COL6A6: variants seen among roughly 807,000 people sequenced by gnomAD.
The protein encoded by COL6A6 is collagen alpha-6(VI) chain.
In COL6A6, 183 loss-of-function variants were observed where a neutral mutation model predicts 208.6. That is an observed-to-expected ratio of 0.88 (90% CI 0.78 to 0.99). The LOEUF is 0.99. Among genes scored for constraint, COL6A6 ranks in the 50% least tolerant of loss-of-function variants. The probability of loss-of-function intolerance (pLI) is 0.00; values close to 1 mark genes in which losing one functional copy is unlikely to be tolerated. For missense variants in COL6A6, 2,816 were observed against 2,815.2 expected (o/e 1.00, Z -0.01); for synonymous variants, 973 against 1,011.8 (o/e 0.96, Z 0.73).
chr3:130,668,199 G>A (rs1338381227), intron 36 of COL6A6, among the ~76,000 whole-genome samples: 2 of 151,902 alleles, frequency 1.3e-5, no homozygotes, highest in Admixed American at 6.6e-5. Context: ...AGCTTCAGCT[G>A]GGCGCGGTGG....
At chr3:130,615,094 A>T (rs1217811533) in intron 23 of COL6A6, among the ~76,000 whole-genome samples, 1 of 151,892 alleles carries the variant, frequency 6.6e-6, no homozygotes, top group African/African-American at 2.4e-5. Flanking sequence ...CTTCCCTCTT[A>T]ACACTGCCTT....
rs557086456 is a variant in COL6A6, at chr3:130,637,572, A to G, written c.5091+1811A>G. On this transcript the variant is annotated intron_variant, in intron 28 of 36. Coordinates refer to ENST00000358511, the MANE Select transcript of COL6A6 (RefSeq NM_001102608.3). ...ATTAGTGTTTTTGGATTTGAAGTTG[A>G]AGTTTAGACATTGAAAATATCCAGG... 2.0e-5 allele frequency among the ~76,000 whole-genome samples: 3 copies of G among 152,238 alleles called. No individual in the cohort carries two copies. The South Asian group carries it at 6.2e-4, about 32-fold the overall frequency.
At chr3:130,665,461 C>A (rs1393075855) in intron 36 of COL6A6, among the ~76,000 whole-genome samples, 2 of 151,926 alleles carry the variant, frequency 1.3e-5, no homozygotes, top group African/African-American at 4.8e-5. Flanking sequence ...AGGGAAGGTA[C>A]AATATTAGCC....
rs550204878 is a variant in COL6A6, at chr3:130,645,848, C to T, written c.5239+846C>T. Among the ~76,000 whole-genome samples the T allele has an allele frequency of 3.9e-5, 6 of 152,322 alleles. No individual in the cohort carries two copies. The South Asian group carries it at 1.2e-3, about 32-fold the overall frequency. On this transcript the variant is annotated intron_variant, in intron 32 of 36. Coordinates refer to ENST00000358511, the MANE Select transcript of COL6A6 (RefSeq NM_001102608.3). ...GATGTTTTTCTGTAAACTTATCACC[C>T]TCTTATACATTTATACACTTTTACC...
Position 130,665,083 on chromosome 3 carries a change from C to A in COL6A6, c.6583C>A (p.Arg2195=). Residue 2195 remains arginine, a synonymous_variant, in exon 36 of 37, where the codon CGA becomes AGA. Coordinates refer to ENST00000358511, the MANE Select transcript of COL6A6 (RefSeq NM_001102608.3). ...CTCTATAGATCCAAAGCAGCCCCCA[C>A]GACCATTCCGAAGGTACTGTCTGTT... The part of the protein sequence containing the change: ...LNSIDPKQPP[R]PFRSFVPGPL... 1 of 1,608,380 alleles carries A rather than the reference C, an allele frequency of 6.2e-7. No individual in the cohort carries two copies. Among genetic ancestry groups the A allele is most frequent in the South Asian group, 1.1e-5 (1 of 89,884 alleles).
chr3:130,654,362 C>A (rs535878576), intron 33 of COL6A6, among the ~76,000 whole-genome samples: 1 of 152,254 alleles, frequency 6.6e-6, no homozygotes, highest in African/African-American at 2.4e-5. Context: ...CCCAGGTAGT[C>A]TGAGCTATGC....
intron 28 of COL6A6, 110 bp from the exon 29 acceptor site, chr3:130,641,542 A>T: frequency 1.9e-6 from 1 of 513,124 alleles, no homozygotes. Context: ...TAAAAGTGAA[A>T]TTTTCACTTT....
intron 1 of COL6A6, among the ~76,000 whole-genome samples, chr3:130,546,928 T>C (rs1228180571): frequency 6.6e-6 from 1 of 152,044 alleles, no homozygotes; most frequent in Non-Finnish European, 1.5e-5. Flanking sequence ...TGCTGATTGG[T>C]GCATCTACAA....
chr3:130,526,209 G>C (rs1370796532), intron 1 of COL6A6, among the ~76,000 whole-genome samples: 1 of 152,094 alleles, frequency 6.6e-6, no homozygotes. Flanking sequence ...CTTCTCTGGG[G>C]AGGTGACATT....
At chr3:130,596,518 A>G (rs6773207) in intron 18 of COL6A6, among the ~76,000 whole-genome samples, 2,367 of 152,320 alleles carry the variant, frequency 0.016, 74 homozygotes, top group African/African-American at 0.054. Flanking sequence ...GTGCATTACT[A>G]TTTCAGGAAA....
chr3:130,543,085 T>G (rs1271427971), intron 1 of COL6A6, among the ~76,000 whole-genome samples: 4 of 151,976 alleles, frequency 2.6e-5, no homozygotes, highest in African/African-American at 9.7e-5. Flanking sequence ...TTTGTATTTT[T>G]AGTAGAGACA....
rs375639767 is a variant in COL6A6 at position 130,661,930 on chromosome 3, C to T, written c.6124C>T (p.Arg2042Cys). Residue 2042 changes from arginine to cysteine, a missense_variant, in exon 35 of 37, where the codon CGC (arginine) becomes TGC (cysteine). Arg to Cys is a radical substitution (Grantham distance 180). Transcript: ENST00000358511. ...EFNLTTYRSK[R>C]LMKRHVHESV... Reference sequence around the variant, plus strand: ...CAATCTTACCACCTACAGAAGTAAGCGCCTCATGAAGAGGCATGTGCACGA... The same window carrying T: ...CAATCTTACCACCTACAGAAGTAAGTGCCTCATGAAGAGGCATGTGCACGA... The T allele has an allele frequency of 1.2e-5, 19 of 1,613,918 alleles. 1 individual carries two copies. In the East Asian group the frequency reaches 1.6e-4, roughly 13 times the overall value.
chr3:130,570,760 G>T, intron 6 of COL6A6, 58 bp from the exon 7 acceptor site: 1 of 1,325,332 alleles, frequency 7.5e-7, no homozygotes, highest in Non-Finnish European at 1.1e-6. Context: ...AGGTTGAGGC[G>T]TCTCCCATGC....
At chr3:130,604,071 C>T (rs1209356149) in intron 20 of COL6A6, among the ~76,000 whole-genome samples, 5 of 152,148 alleles carry the variant, frequency 3.3e-5, no homozygotes, top group Non-Finnish European at 1.5e-5. Context: ...TTTGGAATTT[C>T]ATCTTTCTCA....
At chr3:130,518,261 G>C (rs558760958) in intron 1 of COL6A6, among the ~76,000 whole-genome samples, 1 of 152,146 alleles carries the variant, frequency 6.6e-6, no homozygotes, top group Admixed American at 6.5e-5. Context: ...AACACTTGTG[G>C]CAGGAAGGAT....
chr3:130,603,277 C>A (rs1039961257), intron 20 of COL6A6, among the ~76,000 whole-genome samples: 1 of 152,162 alleles, frequency 6.6e-6, no homozygotes, highest in Non-Finnish European at 1.5e-5. Flanking sequence ...GCTAGGCCTC[C>A]GCCCATTAGC....
At chr3:130,602,284 C>T (rs1033144798) in intron 20 of COL6A6, among the ~76,000 whole-genome samples, 1 of 152,214 alleles carries the variant, frequency 6.6e-6, no homozygotes, top group Non-Finnish European at 1.5e-5. Context: ...GGCAACATAT[C>T]TGTGTCAAAG....
chr3:130,642,204 G>A (rs553955711), intron 29 of COL6A6, among the ~76,000 whole-genome samples: 1 of 150,774 alleles, frequency 6.6e-6, no homozygotes, highest in Admixed American at 6.6e-5. Flanking sequence ...ATTAAAACCA[G>A]TTCCATTTGT....
chr3:130,590,124 A>T, intron 12 of COL6A6: 1 of 370,916 alleles, frequency 2.7e-6, no homozygotes, highest in Admixed American at 3.0e-5. Context: ...AGTGGCAAAT[A>T]TAGCTGTGTT....
Sources: allele counts gnomAD v4.1 joint callset (sites outside exome capture counted in the v4.1 genomes callset), GRCh38; gene constraint gnomAD v4.1.1; transcripts MANE v1.5; gene names NCBI Gene and HGNC (gene_info 2026-07-23, HGNC 2026-07-21).